Variants in LCOR observed in about 807,000 individuals in gnomAD.
LCOR encodes the protein ligand dependent nuclear receptor corepressor.
LCOR carries 14 observed loss-of-function variants against 64.4 expected under a neutral mutation model. The ratio of observed to expected loss-of-function variants is 0.22; its 90% confidence interval spans 0.14 to 0.34. LCOR has a LOEUF of 0.34. Among genes scored for constraint, LCOR ranks in the 10% least tolerant of loss-of-function variants. The pLI is 1.00. For missense variants in LCOR, 1,686 were observed against 1,765.3 expected (o/e 0.96, Z 0.80); for synonymous variants, 643 against 642.5 (o/e 1.00, Z -0.01).
chr10:96,850,418 T>A (rs937838656), intron 2 of LCOR, among the ~76,000 whole-genome samples: 3 of 152,178 alleles, frequency 2.0e-5, no homozygotes, highest in African/African-American at 7.2e-5. Context: ...AACTGAAAAT[T>A]GAAGTGAACT....
At chr10:96,847,587 G>A (rs1035145468) in intron 2 of LCOR, among the ~76,000 whole-genome samples, 34 of 152,022 alleles carry the variant, frequency 2.2e-4, no homozygotes, top group African/African-American at 6.0e-4. Context: ...GATTACAAGC[G>A]TGTGCCACCA....
intron 2 of LCOR, among the ~76,000 whole-genome samples, chr10:96,875,326 G>A (rs1206965369): frequency 1.3e-5 from 2 of 151,908 alleles, no homozygotes; most frequent in Non-Finnish European, 2.9e-5. Flanking sequence ...AGAGCTTGCA[G>A]TGGGCCACTG....
rs1848112184 is a variant in LCOR at position 96,983,357 on chromosome 10, T to C, written c.2897T>C (p.Ile966Thr). ...AATGCTCATATCCCCTCAGAAAGTA[T>C]TGCTTGTAAGAGGGACCCAGAACAG... is the stretch of plus-strand genomic sequence containing the variant. ...EKNAHIPSESIACKRDPEQAK... is the reference protein window; with the variant it reads ...EKNAHIPSESTACKRDPEQAK... The change falls in exon 8 of 8, where the codon ATT becomes ACT. Residue 966 changes from isoleucine to threonine, a missense_variant. Ile to Thr is a moderately conservative substitution (Grantham distance 89, BLOSUM62 -1). Around this residue, in one of 3 missense-constraint regions of LCOR, gnomAD observed 1,293 missense variants for 1,410.4 expected, o/e 0.92. Transcript: ENST00000421806. The surrounding 1 kb of genome is among the most constrained non-coding windows in gnomAD (Gnocchi z 4.5). 4 of 1,614,026 alleles carry C rather than the reference T, an allele frequency of 2.5e-6. No individual in the cohort carries two copies. The South Asian group carries it at 3.3e-5, about 13-fold the overall frequency.
rs1848235118 is a variant in LCOR at position 96,995,482 on chromosome 10, G to A, written c.*10348G>A. On this transcript the variant is annotated 3_prime_UTR_variant, in exon 8 of 8. Coordinates refer to ENST00000421806, the MANE Select transcript of LCOR (RefSeq NM_001346516.2). This position sits in a 1 kb window ranked among gnomAD's most constrained non-coding sequence, Gnocchi z 4.2. ...GGAATATACTGTGTCTTTAATGGAT[G>A]AAAATTCAATGTATGCTGTGAATTT... 6.6e-6 allele frequency: 1 copy of A among 152,184 alleles called. No individual in the cohort carries two copies. Among genetic ancestry groups the A allele is most frequent in the African/African-American group, 2.4e-5 (1 of 41,434 alleles). The allele number at this position is 152,184 out of a possible 1,614,324, so 9.4% of individuals were successfully genotyped here.
intron 2 of LCOR, among the ~76,000 whole-genome samples, chr10:96,834,896 TTTG>T (rs1161994021): frequency 2.0e-5 from 3 of 152,132 alleles, no homozygotes; most frequent in Admixed American, 1.3e-4. Context: ...TGTTTTTGTT[TTTG>T]TTGTTGTTTT....
At chr10:96,928,070 T>A (rs1269809820) in intron 4 of LCOR, among the ~76,000 whole-genome samples, 5 of 152,230 alleles carry the variant, frequency 3.3e-5, no homozygotes, top group African/African-American at 1.2e-4. Context: ...TGATGTTGAC[T>A]GCTGCCAACT....
At chr10:96,943,757 A>G (rs1847539467) in intron 4 of LCOR, among the ~76,000 whole-genome samples, 1 of 150,964 alleles carries the variant, frequency 6.6e-6, no homozygotes, top group African/African-American at 2.4e-5. Context: ...TAAATTAAAA[A>G]AAAAAAAGCC....
rs573627939 is a variant in LCOR at position 96,849,901 on chromosome 10, C to T, written c.-330+16422C>T. 2.6e-3 allele frequency among the ~76,000 whole-genome samples: 359 copies of T among 140,722 alleles called. 1 individual carries two copies. Among genetic ancestry groups the T allele is most frequent in the Admixed American group, 4.0e-3 (53 of 13,342 alleles). The allele number at this position is 140,722 out of a possible 152,430, so 92.3% of individuals were successfully genotyped here. On this transcript the variant is annotated intron_variant, in intron 2 of 7. Coordinates refer to ENST00000421806, the MANE Select transcript of LCOR (RefSeq NM_001346516.2). ...TTTTTGCTTATTCTCTGCTCTCTGACGTGAAGATATTGTTGGAATTGTCAG... is the reference window on the plus strand; with the variant it reads ...TTTTTGCTTATTCTCTGCTCTCTGATGTGAAGATATTGTTGGAATTGTCAG...
chr10:96,973,965 A>G (rs960414183), intron 7 of LCOR, among the ~76,000 whole-genome samples: 1 of 152,206 alleles, frequency 6.6e-6, no homozygotes, highest in Non-Finnish European at 1.5e-5. Context: ...TAACATAAGC[A>G]TTGCCCACCC....
At chr10:96,842,959 T>C (rs555502386) in intron 2 of LCOR, among the ~76,000 whole-genome samples, 6 of 152,188 alleles carry the variant, frequency 3.9e-5, no homozygotes, top group Non-Finnish European at 8.8e-5. Context: ...TTGAAATAAG[T>C]ATACATTGTA....
chr10:96,898,255 G>A (rs530636631), intron 2 of LCOR, among the ~76,000 whole-genome samples: 1 of 152,248 alleles, frequency 6.6e-6, no homozygotes, highest in Non-Finnish European at 1.5e-5. Context: ...TAGATTGAGG[G>A]TTGCAGGAAG....
At chr10:96,921,420 ATACGGTG>A (rs1847079326) in intron 4 of LCOR, among the ~76,000 whole-genome samples, 1 of 152,104 alleles carries the variant, frequency 6.6e-6, no homozygotes, top group Non-Finnish European at 1.5e-5. Flanking sequence ...AAATTTTTAT[ATACGGTG>A]TACGGCAAGG....
chr10:96,939,184 C>G (rs1374047858), intron 4 of LCOR, among the ~76,000 whole-genome samples: 2 of 152,122 alleles, frequency 1.3e-5, no homozygotes, highest in Non-Finnish European at 2.9e-5. Context: ...GGAATAGAAT[C>G]GAGTGTCCAG....
rs184264888 is a variant in LCOR at position 96,920,244 on chromosome 10, C to T, written c.-184+12497C>T. 1.3e-4 allele frequency among the ~76,000 whole-genome samples: 19 copies of T among 151,618 alleles called. No individual in the cohort carries two copies. The East Asian group carries it at 3.7e-3, about 29-fold the overall frequency. Reference sequence around the variant, plus strand: ...TCGTTGTGGTTTTGGTTTGCAGTTCCCTAGTGATTCATAGTGCTGAACAGC... The same window carrying T: ...TCGTTGTGGTTTTGGTTTGCAGTTCTCTAGTGATTCATAGTGCTGAACAGC... On this transcript the variant is annotated intron_variant, in intron 4 of 7. Transcript: ENST00000421806.
Position 96,945,481 on chromosome 10 carries a change from G to A in LCOR, c.-51+1236G>A, listed in dbSNP as rs373861200. 1.1e-4 allele frequency among the ~76,000 whole-genome samples: 17 copies of A among 152,146 alleles called. 1 individual carries two copies. The highest frequency in any genetic ancestry group is 3.6e-4 in the African/African-American group (15 of 41,538). ...CTTAATTCTCTGTAAACACCCACTAGCACCTCCTGACCTAAATCTCCCAGC... is the reference window on the plus strand; with the variant it reads ...CTTAATTCTCTGTAAACACCCACTAACACCTCCTGACCTAAATCTCCCAGC... On this transcript the variant is annotated intron_variant, in intron 5 of 7. Coordinates refer to ENST00000421806, the MANE Select transcript of LCOR (RefSeq NM_001346516.2).
At position 96,834,899 on chromosome 10, in the gene LCOR, G is replaced by A. The variant is rs1014513176; in HGVS notation, c.-330+1420G>A. ...AAGATGTGTTTTTGTTTTTGTTTTT[G>A]TTGTTGTTTTTTCTTTATTGAGACG... On this transcript the variant is annotated intron_variant, in intron 2 of 7. Transcript: ENST00000421806. Among the ~76,000 whole-genome samples the A allele has an allele frequency of 2.0e-5, 3 of 152,170 alleles. No homozygotes were observed. The East Asian group carries it at 5.8e-4, about 29-fold the overall frequency.
intron 2 of LCOR, among the ~76,000 whole-genome samples, chr10:96,834,954 G>A (rs1554830167): frequency 6.6e-6 from 1 of 152,220 alleles, no homozygotes; most frequent in Non-Finnish European, 1.5e-5. Flanking sequence ...GGGCTGGAGT[G>A]CAGTGGCGCC....
chr10:96,841,512 C>A (rs972633571), intron 2 of LCOR, among the ~76,000 whole-genome samples: 7 of 151,974 alleles, frequency 4.6e-5, no homozygotes, highest in African/African-American at 1.7e-4. Flanking sequence ...AGGTGTGTGC[C>A]ACCATGCCCG....
rs1185826208 is a variant in LCOR, at chr10:96,966,200, A to T, written c.332+14004A>T. ...TTTTTTGCCATATCCTGAGTTGGGG[A>T]TTTTTCCCCCCAAAGGACTCTTTTT... On this transcript the variant is annotated intron_variant, in intron 7 of 7. Transcript: ENST00000421806. Among the ~76,000 whole-genome samples, 53 of 58,280 alleles carry T rather than the reference A, an allele frequency of 9.1e-4. 1 individual carries two copies. In the South Asian group the frequency reaches 0.011, roughly 13 times the overall value. 38.2% of individuals were successfully genotyped at this position (58,280 alleles called of 152,430 possible).
Sources: allele counts gnomAD v4.1 joint callset (sites outside exome capture counted in the v4.1 genomes callset), GRCh38; gene constraint gnomAD v4.1.1; regional missense constraint gnomAD v4.1.1; non-coding constraint Gnocchi (gnomAD v3.1); transcripts MANE v1.5; gene names NCBI Gene and HGNC (gene_info 2026-07-23, HGNC 2026-07-21).